CELSR1: variants seen among roughly 807,000 people sequenced by gnomAD.
The protein encoded by CELSR1 is cadherin EGF LAG seven-pass G-type receptor 1.
In CELSR1, 110 loss-of-function variants were observed where a neutral mutation model predicts 249.1. The ratio of observed to expected loss-of-function variants is 0.44; its 90% CI spans 0.38 to 0.52. The LOEUF (loss-of-function observed/expected upper bound fraction) is 0.52. CELSR1 is among the 20% of genes least tolerant of loss of function. The probability of loss-of-function intolerance (pLI) is 0.00; values close to 1 mark genes in which losing one functional copy is unlikely to be tolerated. For synonymous variants in CELSR1, 2,113 were observed against 1,900.0 expected (o/e 1.11, Z -2.92); for missense variants, 4,109 against 4,296.4 (o/e 0.96, Z 1.22).
At chr22:46,382,373 G>A (rs1306747517) in intron 20 of CELSR1, among the ~76,000 whole-genome samples, 2 of 152,148 alleles carry the variant, frequency 1.3e-5, no homozygotes, top group Non-Finnish European at 2.9e-5. Context: ...CGCCTCCCGG[G>A]TTCACGCCAT....
rs573726487 is a variant in CELSR1 at position 46,527,871 on chromosome 22, G to T, written c.3544+5756C>A. ...AGCATTTTGGGAGGCTGAGGCGGGC[G>T]GATAGCCTGAGGTCAGGAGTTGGAG... is the stretch of plus-strand genomic sequence containing the variant. On this transcript the variant is annotated intron_variant, in intron 1 of 34. Coordinates refer to ENST00000674500, the MANE Select transcript of CELSR1 (RefSeq NM_001378328.1). The surrounding 1 kb of genome is among the most constrained non-coding windows in gnomAD (Gnocchi z 5.5). Among the ~76,000 whole-genome samples the T allele has an allele frequency of 6.6e-6, 1 of 152,162 alleles. No homozygotes were observed. The highest frequency in any genetic ancestry group is 2.4e-5 in the African/African-American group (1 of 41,430).
intron 1 of CELSR1, among the ~76,000 whole-genome samples, chr22:46,532,877 C>T (rs1347111006): frequency 6.6e-6 from 1 of 152,110 alleles, no homozygotes; most frequent in Non-Finnish European, 1.5e-5. Flanking sequence ...CATAGAGGAC[C>T]GGCCAAACTT....
chr22:46,363,291 G>C lies in CELSR1; in HGVS notation c.9036-44C>G. On this transcript the variant is annotated intron_variant, in intron 34 of 34. Transcript: ENST00000674500. This position sits in a 1 kb window ranked among gnomAD's most constrained non-coding sequence, Gnocchi z 4.3. ...CAGCAAGCAGGTGAAGGGTCAGTGA[G>C]GGTAGCGGCTTGGTGGGGCCCAAGG... The C allele has an allele frequency of 6.4e-7, 1 of 1,566,294 alleles. No homozygotes were observed. Among genetic ancestry groups the C allele is most frequent in the Non-Finnish European group, 8.8e-7 (1 of 1,140,204 alleles).
chr22:46,467,065 C>A (rs1283825524), intron 1 of CELSR1, among the ~76,000 whole-genome samples: 1 of 152,210 alleles, frequency 6.6e-6, no homozygotes. Flanking sequence ...GTTTAAGCCA[C>A]CCATTCTGTG....
rs759052545 is a variant in CELSR1 at position 46,395,290 on chromosome 22, C to T, written c.5844-1028G>A. Among the ~76,000 whole-genome samples the T allele has an allele frequency of 2.6e-4, 40 of 152,242 alleles. No individual in the cohort carries two copies. The highest frequency in any genetic ancestry group is 9.1e-4 in the African/African-American group (38 of 41,536). ...CCCCTGCTCCAAGCTGTGCTCCATGCGGCAGGTGGGGGTTCCCTAAGACCA... is the reference window on the plus strand; with the variant it reads ...CCCCTGCTCCAAGCTGTGCTCCATGTGGCAGGTGGGGGTTCCCTAAGACCA... On this transcript the variant is annotated intron_variant, in intron 13 of 34. Coordinates refer to ENST00000674500, the MANE Select transcript of CELSR1 (RefSeq NM_001378328.1). This position sits in a 1 kb window ranked among gnomAD's most constrained non-coding sequence, Gnocchi z 5.5.
intron 2 of CELSR1, among the ~76,000 whole-genome samples, chr22:46,457,462 A>G (rs1402379897): frequency 1.3e-5 from 2 of 152,174 alleles, no homozygotes; most frequent in Non-Finnish European, 2.9e-5. Context: ...AGGGGCACCC[A>G]GGTCTGCCTC....
rs2079560992 is a variant in CELSR1, at chr22:46,428,569, CT to C, written c.4611+4823del. ...AGGGGCCTGACAATGATGAAGACCTCTTGGTTGTCAAAACCGGGTTAGGGGA... is the reference window on the plus strand; with the variant it reads ...AGGGGCCTGACAATGATGAAGACCTCTGGTTGTCAAAACCGGGTTAGGGGA... On this transcript the variant is annotated intron_variant, in intron 5 of 34. Transcript: ENST00000674500. The surrounding 1 kb of genome is among the most constrained non-coding windows in gnomAD (Gnocchi z 5.7). 6.6e-6 allele frequency among the ~76,000 whole-genome samples: 1 copy of C among 152,238 alleles called. No individual in the cohort carries two copies. The highest frequency in any genetic ancestry group is 1.5e-5 in the Non-Finnish European group (1 of 68,050).
At chr22:46,452,382 T>A (rs554371478) in intron 2 of CELSR1, among the ~76,000 whole-genome samples, 1 of 152,128 alleles carries the variant, frequency 6.6e-6, no homozygotes, top group East Asian at 1.9e-4. Context: ...AAACACAGCG[T>A]CTCCTGGGCC....
intron 24 of CELSR1, among the ~76,000 whole-genome samples, 170 bp from the exon 25 acceptor site, chr22:46,373,227 A>C (rs2078875584): frequency 6.6e-6 from 1 of 152,184 alleles, no homozygotes; most frequent in Admixed American, 6.5e-5. Flanking sequence ...CCAGGAATTG[A>C]AAATCAACAT....
intron 2 of CELSR1, among the ~76,000 whole-genome samples, chr22:46,451,121 G>A (rs1017070825): frequency 3.9e-5 from 6 of 151,952 alleles, no homozygotes; most frequent in African/African-American, 1.2e-4. Context: ...TGGGTTTCAC[G>A]CATTGTTTGA....
At position 46,509,081 on chromosome 22, in the gene CELSR1, T is replaced by C. The variant is rs370670451; in HGVS notation, c.3544+24546A>G. On this transcript the variant is annotated intron_variant, in intron 1 of 34. Coordinates refer to ENST00000674500, the MANE Select transcript of CELSR1 (RefSeq NM_001378328.1). ...ATCACACGACACCTCCTAGGCATCC[T>C]GTCCCTGTATCTGGCACCCCTCCAG... 2.0e-5 allele frequency among the ~76,000 whole-genome samples: 3 copies of C among 152,332 alleles called. No homozygotes were observed. The East Asian group carries it at 5.8e-4, about 29-fold the overall frequency.
intron 1 of CELSR1, among the ~76,000 whole-genome samples, chr22:46,475,784 G>A (rs906210603): frequency 1.3e-5 from 2 of 152,064 alleles, no homozygotes; most frequent in African/African-American, 2.4e-5. Flanking sequence ...ATTAAGAAAT[G>A]TTCTCTCCTG....
rs1433582887 is a variant in CELSR1, at chr22:46,533,484, A to G, written c.3544+143T>C. 8.0e-6 allele frequency: 10 copies of G among 1,255,436 alleles called. No individual in the cohort carries two copies. In the East Asian group the frequency reaches 2.6e-4, roughly 32 times the overall value. The allele number at this position is 1,255,436 out of a possible 1,614,324, so 77.8% of individuals were successfully genotyped here. On this transcript the variant is annotated intron_variant, in intron 1 of 34. Coordinates refer to ENST00000674500, the MANE Select transcript of CELSR1 (RefSeq NM_001378328.1). ...GGCCGGGCGCCCACCCCCAGCATCCAACCGGCGGCAACAAATCCTTGCAGA... is the reference window on the plus strand; with the variant it reads ...GGCCGGGCGCCCACCCCCAGCATCCGACCGGCGGCAACAAATCCTTGCAGA...
chr22:46,364,749 A>G lies in CELSR1; in HGVS notation c.8555-13T>C. On this transcript the variant is annotated splice_polypyrimidine_tract_variant and intron_variant, in intron 32 of 34. Transcript: ENST00000674500. ...GCCACAGCGTCCCCTGAGGCACGAG[A>G]GCGGTGCTCAGCAGGCAGCGGCACT... is the stretch of plus-strand genomic sequence containing the variant. The G allele has an allele frequency of 6.2e-7, 1 of 1,607,458 alleles. No homozygotes were observed. Among genetic ancestry groups the G allele is most frequent in the Non-Finnish European group, 8.5e-7 (1 of 1,177,560 alleles).
rs1428680690 is a variant in CELSR1, at chr22:46,439,085, A to G, written c.4406+104T>C. On this transcript the variant is annotated intron_variant, in intron 3 of 34. Coordinates refer to ENST00000674500, the MANE Select transcript of CELSR1 (RefSeq NM_001378328.1). ...GAGCTACTCAACTATCAAAGGCCAC[A>G]CACGGAGGACATCAACGTCACGATC... 22 of 1,123,962 alleles carry G rather than the reference A, an allele frequency of 2.0e-5. 1 individual carries two copies. The highest frequency in any genetic ancestry group is 7.8e-6 in the Non-Finnish European group (6 of 769,446). 69.6% of individuals were successfully genotyped at this position (1,123,962 alleles called of 1,614,324 possible).
At chr22:46,400,182 T>G (rs778035653) in intron 9 of CELSR1, among the ~76,000 whole-genome samples, 2 of 146,394 alleles carry the variant, frequency 1.4e-5, no homozygotes, top group Non-Finnish European at 3.0e-5. Context: ...ATACAAAAAT[T>G]AGCTAGGTGT....
At chr22:46,389,998 A>G (rs1027550507) in intron 17 of CELSR1, among the ~76,000 whole-genome samples, 1 of 152,210 alleles carries the variant, frequency 6.6e-6, no homozygotes, top group Non-Finnish European at 1.5e-5. Flanking sequence ...AGCACTGCTG[A>G]CAGCTAGACC....
chr22:46,455,866 A>C (rs544353850), intron 2 of CELSR1, among the ~76,000 whole-genome samples: 2 of 152,338 alleles, frequency 1.3e-5, no homozygotes, highest in Admixed American at 1.3e-4. Context: ...CAAGATTTTT[A>C]TAGAAAACAG....
At chr22:46,435,692 G>A (rs1342226452) in intron 4 of CELSR1, among the ~76,000 whole-genome samples, 1 of 151,900 alleles carries the variant, frequency 6.6e-6, no homozygotes, top group African/African-American at 2.4e-5. Context: ...ACACTGTTAT[G>A]AACATCTTTT....
Sources: gnomAD v4.1 joint callset for allele counts (sites outside exome capture counted in the v4.1 genomes callset) on GRCh38, gnomAD v4.1.1 for gene constraint, Gnocchi (gnomAD v3.1) non-coding constraint, MANE v1.5 for transcripts, NCBI Gene and HGNC (gene_info 2026-07-23, HGNC 2026-07-21) for gene names.